Variants in GTF2I observed in about 807,000 individuals in gnomAD.
The protein encoded by GTF2I is general transcription factor IIi, also known as general transcription factor II-I.
GTF2I carries 12 observed loss-of-function variants against 67.6 expected under a neutral mutation model. The ratio of observed to expected loss-of-function variants is 0.18; its 90% CI spans 0.11 to 0.29. The LOEUF is 0.29. Among genes scored for constraint, GTF2I ranks in the 10% least tolerant of loss-of-function variants. The pLI, the probability that GTF2I is intolerant of heterozygous loss-of-function variation, is 1.00. For missense variants in GTF2I, 271 were observed against 580.1 expected, an observed-to-expected ratio of 0.47 and a Z score of 5.47; for synonymous variants, 149 against 197.0, an observed-to-expected ratio of 0.76 and a Z score of 2.04.
intron 12 of GTF2I, among the ~76,000 whole-genome samples, chr7:74,723,123 G>GT (rs71098008): frequency 0.62 from 82,320 of 132,170 alleles, 27,610 homozygotes; most frequent in East Asian, 0.9. Flanking sequence ...GGTGCTAAGA[G>GT]TTTTTTTTTT....
chr7:74,689,656 G>A (rs1255227273), intron 2 of GTF2I, among the ~76,000 whole-genome samples: 1 of 151,640 alleles, frequency 6.6e-6, no homozygotes, highest in Non-Finnish European at 1.5e-5. Context: ...CCCAACCAAT[G>A]AGTAGTTTTT....
intron 1 of GTF2I, among the ~76,000 whole-genome samples, chr7:74,659,324 C>G (rs1201344494): frequency 6.6e-6 from 1 of 152,090 alleles, no homozygotes; most frequent in Non-Finnish European, 1.5e-5. Context: ...AACACCTGGG[C>G]TCCAGCGATC....
chr7:74,681,650 G>A (rs1458162350), intron 1 of GTF2I, among the ~76,000 whole-genome samples: 2 of 152,154 alleles, frequency 1.3e-5, no homozygotes, highest in Non-Finnish European at 2.9e-5. Flanking sequence ...AGTGGCTTAC[G>A]CCTGTAATCC....
intron 6 of GTF2I, among the ~76,000 whole-genome samples, chr7:74,704,832 G>A (rs1164190638): frequency 7.6e-6 from 1 of 131,298 alleles, no homozygotes; most frequent in Non-Finnish European, 1.5e-5. Context: ...ACCAACCTGG[G>A]CAACAGAGTA....
At chr7:74,743,655 G>GGGC (rs1795214021) in intron 20 of GTF2I, 135 bp downstream of exon 20, 1 of 718,782 alleles carries the variant, frequency 1.4e-6, no homozygotes, top group African/African-American at 1.7e-5. Context: ...AGGCCAAGGC[G>GGGC]GGCGGATCAG....
chr7:74,692,005 G>C (rs782590701), intron 3 of GTF2I, among the ~76,000 whole-genome samples: 18 of 150,678 alleles, frequency 1.2e-4, no homozygotes, highest in Non-Finnish European at 2.7e-4. Flanking sequence ...TCAAACTCCT[G>C]ACCTCAGGTG....
intron 1 of GTF2I, among the ~76,000 whole-genome samples, chr7:74,679,714 A>C (rs1450594585): frequency 1.3e-5 from 2 of 152,114 alleles, no homozygotes; most frequent in African/African-American, 4.8e-5. Context: ...CTGAGATTAC[A>C]GGTGTGAGCC....
chr7:74,658,580 C>T (rs1804157542), intron 1 of GTF2I, among the ~76,000 whole-genome samples: 1 of 150,556 alleles, frequency 6.6e-6, no homozygotes, highest in Admixed American at 6.6e-5. Context: ...GGGGCTCCTG[C>T]GCCGGGGCAG....
intron 1 of GTF2I, chr7:74,684,653 A>G (rs1257398933): frequency 4.6e-5 from 7 of 152,294 alleles, no homozygotes; most frequent in African/African-American, 1.7e-4. Flanking sequence ...ACCCGGATGC[A>G]CCCATTTCCA....
At chr7:74,663,645 C>T (rs1398183532) in intron 1 of GTF2I, among the ~76,000 whole-genome samples, 5 of 152,100 alleles carry the variant, frequency 3.3e-5, no homozygotes, top group African/African-American at 1.2e-4. Flanking sequence ...GTAGAAAATA[C>T]ACCTAATCAG....
At chr7:74,705,140 C>T (rs782604338) in intron 6 of GTF2I, 24 bp from the exon 7 acceptor site, 6 of 1,485,830 alleles carry the variant, frequency 4.0e-6, no homozygotes, top group Non-Finnish European at 5.6e-6. Context: ...AAAACTAACT[C>T]CAATTTTTTT....
intron 1 of GTF2I, among the ~76,000 whole-genome samples, chr7:74,674,827 A>C (rs1805754551): frequency 7.1e-6 from 1 of 140,394 alleles, no homozygotes; most frequent in South Asian, 2.3e-4. Flanking sequence ...GATGATGGGC[A>C]TGAGCCACTA....
intron 1 of GTF2I, among the ~76,000 whole-genome samples, chr7:74,665,244 A>G (rs1481361804): frequency 6.6e-6 from 1 of 150,410 alleles, no homozygotes; most frequent in Non-Finnish European, 1.5e-5. Context: ...TGCCCGGCCT[A>G]TTTTTTATTT....
At chr7:74,690,858 C>A in intron 2 of GTF2I, 115 bp from the exon 3 acceptor site, 1 of 973,432 alleles carries the variant, frequency 1.0e-6, no homozygotes, top group Non-Finnish European at 1.6e-6. Flanking sequence ...AGGCCAAAAA[C>A]TATCTTGAAA....
At chr7:74,715,620 CAAAT>C (rs1381818329) in intron 10 of GTF2I, among the ~76,000 whole-genome samples, 3 of 151,720 alleles carry the variant, frequency 2.0e-5, no homozygotes, top group African/African-American at 7.3e-5. Context: ...CTTTTACAGT[CAAAT>C]AACTTAATGC....
At chr7:74,722,526 C>A (rs1376115202) in intron 12 of GTF2I, among the ~76,000 whole-genome samples, 1 of 152,142 alleles carries the variant, frequency 6.6e-6, no homozygotes, top group Admixed American at 6.5e-5. Context: ...CCTAGCTTCC[C>A]AAACCTGAGT....
At chr7:74,681,112 A>G (rs1414141747) in intron 1 of GTF2I, among the ~76,000 whole-genome samples, 1 of 152,196 alleles carries the variant, frequency 6.6e-6, no homozygotes, top group African/African-American at 2.4e-5. Context: ...AAGTCAAAAA[A>G]CGTTGAGAAT....
intron 9 of GTF2I, among the ~76,000 whole-genome samples, chr7:74,712,702 C>T (rs1318135415): frequency 2.9e-5 from 4 of 136,242 alleles, no homozygotes; most frequent in African/African-American, 8.5e-5. Context: ...TTTGCTCTGT[C>T]GCCCAAGCTG....
intron 1 of GTF2I, among the ~76,000 whole-genome samples, chr7:74,661,171 C>G (rs587700570): frequency 7.2e-4 from 109 of 152,156 alleles, no homozygotes; most frequent in African/African-American, 2.5e-3. Context: ...TGGGCGTCCC[C>G]GGGAGAGCTG....
Sources: allele counts gnomAD v4.1 joint callset (sites outside exome capture counted in the v4.1 genomes callset), GRCh38; gene constraint gnomAD v4.1.1; transcripts MANE v1.5; gene names NCBI Gene and HGNC (gene_info 2026-07-23, HGNC 2026-07-21).